ESF1: variants seen among roughly 807,000 people sequenced by gnomAD.
ESF1 encodes ESF1 homolog.
A neutral mutation model predicts 92.0 loss-of-function variants in ESF1; 58 were observed. The observed-to-expected ratio is 0.63, with a 90% CI of 0.51 to 0.78. ESF1 has a LOEUF of 0.78. Among genes scored for constraint, ESF1 ranks in the 30% least tolerant of loss-of-function variants. ESF1 has a pLI of 0.00. For missense variants in ESF1, 922 were observed against 989.1 expected, an observed-to-expected ratio of 0.93 and a Z score of 0.91; for synonymous variants, 321 against 313.7, an observed-to-expected ratio of 1.02 and a Z score of -0.24.
intron 2 of ESF1, among the ~76,000 whole-genome samples, chr20:13,781,521 G>C (rs953436662): frequency 6.6e-6 from 1 of 152,098 alleles, no homozygotes; most frequent in Non-Finnish European, 1.5e-5. Context: ...TCCGCACAGG[G>C]GCATTTATAA....
Position 13,753,979 on chromosome 20 carries a change from T to A in ESF1, c.1828+5713A>T, listed in dbSNP as rs569792767. On this transcript the variant is annotated intron_variant, in intron 9 of 13. Transcript: ENST00000617257. ...TTCCCTTGGTGTGAAAGTGGCAACG[T>A]GCTTATAATGGAAGCATGTCTTAGT... 2.0e-5 allele frequency among the ~76,000 whole-genome samples: 3 copies of A among 152,344 alleles called. No individual in the cohort carries two copies. The South Asian group carries it at 6.2e-4, about 32-fold the overall frequency.
intron 1 of ESF1, among the ~76,000 whole-genome samples, chr20:13,784,287 C>CCA (rs1296643272): frequency 6.8e-6 from 1 of 146,076 alleles, no homozygotes; most frequent in Non-Finnish European, 1.5e-5. Context: ...TTAAGCAACC[C>CCA]CCCCCCAAAA....
chr20:13,760,685 C>T (rs1406838765), intron 8 of ESF1, among the ~76,000 whole-genome samples: 1 of 151,466 alleles, frequency 6.6e-6, no homozygotes, highest in Non-Finnish European at 1.5e-5. Flanking sequence ...CCCTGCCAGG[C>T]CAGCCGCCCC....
At chr20:13,773,076 A>G (rs1375467298) in intron 4 of ESF1, among the ~76,000 whole-genome samples, 1 of 152,356 alleles carries the variant, frequency 6.6e-6, no homozygotes, top group African/African-American at 2.4e-5. Flanking sequence ...TTTTAAAGAA[A>G]TAGAACAGAA....
rs576169988 is a variant in ESF1 at position 13,766,688 on chromosome 20, A to G, written c.1666+89T>C. 3.8e-6 allele frequency: 5 copies of G among 1,302,890 alleles called. 1 individual carries two copies. The South Asian group carries it at 6.7e-5, about 17-fold the overall frequency. The allele number at this position is 1,302,890 out of a possible 1,614,324, so 80.7% of individuals were successfully genotyped here. A position where few individuals can be genotyped will look rare whatever the true frequency, so the allele number is the denominator to read the frequency against. ...AGGTATATATAATACTGTGCATGTG[A>G]GCATATCTGCAGACAGAATTTGGCT... On this transcript the variant is annotated intron_variant, in intron 8 of 13. Transcript: ENST00000617257.
rs1251425788 is a variant in ESF1 at position 13,766,920 on chromosome 20, T to C, written c.1523A>G (p.Glu508Gly). The C allele has an allele frequency of 6.2e-7, 1 of 1,606,576 alleles. No homozygotes were observed. Among genetic ancestry groups the C allele is most frequent in the Non-Finnish European group, 8.5e-7 (1 of 1,177,338 alleles). ...TSAAMGTSTV[E>G]ITWDETDHER... ...ATGATCAGTCTCATCCCAAGTGATT[T>C]CCACCTTTCACCAACAAATAAGAAA... The change falls in exon 8 of 14, where the codon GAA (glutamate) becomes GGA (glycine). Residue 508 changes from glutamate (E) to glycine (G), a missense_variant. Coordinates refer to ENST00000617257, the MANE Select transcript of ESF1 (RefSeq NM_001276380.2).
At chr20:13,717,285 T>C in intron 13 of ESF1, 83 bp downstream of exon 13, 1 of 1,527,576 alleles carries the variant, frequency 6.5e-7, no homozygotes, top group South Asian at 1.2e-5. Context: ...AGGGTAACTT[T>C]GACTATGCTC....
chr20:13,747,714 G>GTGT (rs73619824), intron 9 of ESF1, among the ~76,000 whole-genome samples: 2 of 152,368 alleles, frequency 1.3e-5, no homozygotes, highest in South Asian at 4.1e-4. Context: ...TGAGAAATGT[G>GTGT]TAGGCATTTT....
At chr20:13,773,143 T>C (rs1979767706) in intron 4 of ESF1, among the ~76,000 whole-genome samples, 1 of 152,204 alleles carries the variant, frequency 6.6e-6, no homozygotes, top group Admixed American at 6.5e-5. Context: ...AAGAATTCAC[T>C]CTCACCAGGT....
chr20:13,766,720 G>A, intron 8 of ESF1, 57 bp downstream of exon 8: 2 of 1,576,496 alleles, frequency 1.3e-6, no homozygotes, highest in South Asian at 2.3e-5. Flanking sequence ...GGCTTTCCCT[G>A]TAAAGCTACT....
Position 13,759,854 on chromosome 20 carries a change from C to A in ESF1, c.1667-1G>T. 1.9e-6 allele frequency: 3 copies of A among 1,581,436 alleles called. No homozygotes were observed. Among genetic ancestry groups the A allele is most frequent in the Admixed American group, 3.8e-5 (2 of 52,446 alleles). On this transcript the variant is annotated splice_acceptor_variant, in intron 8 of 13. Transcript: ENST00000617257. LOFTEE classifies it high-confidence loss of function. ...TCTTCTACATTGACTCCATCATCACCTAATGAAAAAAAAATTCACTTAATA... is the reference window on the plus strand; with the variant it reads ...TCTTCTACATTGACTCCATCATCACATAATGAAAAAAAAATTCACTTAATA...
Position 13,717,404 on chromosome 20 carries a change from G to T in ESF1, c.2226C>A (p.Leu742=), listed in dbSNP as rs751151233. Residue 742 remains leucine, a synonymous_variant, in exon 13 of 14, where the codon CTC becomes CTA. Transcript: ENST00000617257. ...CCTCTATTAATTCCTTCTTTTTCAT[G>T]AGCTGCTTTTTCTTCTTTTTGCTCA... ...QNLSKKKKKQ[L]MKKKELIEDD... 1.9e-5 allele frequency: 30 copies of T among 1,613,900 alleles called. No individual in the cohort carries two copies. The South Asian group carries it at 2.0e-4, about 11-fold the overall frequency.
At chr20:13,748,507 CATAT>C (rs1194442538) in intron 9 of ESF1, among the ~76,000 whole-genome samples, 28 of 131,520 alleles carry the variant, frequency 2.1e-4, no homozygotes, top group Non-Finnish European at 2.5e-4. Flanking sequence ...CATATATACA[CATAT>C]ATATACACAT....
chr20:13,766,987 A>C, intron 7 of ESF1, 63 bp from the exon 8 acceptor site: 1 of 1,515,174 alleles, frequency 6.6e-7, no homozygotes, highest in Non-Finnish European at 9.0e-7. Flanking sequence ...AAACTTGTTA[A>C]AGAATATATA....
intron 10 of ESF1, among the ~76,000 whole-genome samples, chr20:13,731,603 GAGTT>G (rs1310853838): frequency 6.6e-6 from 1 of 151,754 alleles, no homozygotes; most frequent in Non-Finnish European, 1.5e-5. Context: ...GGGAAGAAGA[GAGTT>G]AGTTAGCACA....
intron 5 of ESF1, among the ~76,000 whole-genome samples, chr20:13,772,169 G>A (rs1258326938): frequency 6.6e-6 from 1 of 150,696 alleles, no homozygotes; most frequent in African/African-American, 2.4e-5. Context: ...ATAATTTGAA[G>A]GCAAACAGAG....
chr20:13,736,809 TACA>T (rs148348892), intron 9 of ESF1, among the ~76,000 whole-genome samples: 2,797 of 152,308 alleles, frequency 0.018, 89 homozygotes, highest in African/African-American at 0.062. Flanking sequence ...GTACTTTGTT[TACA>T]ACAATAAAGA....
intron 7 of ESF1, among the ~76,000 whole-genome samples, chr20:13,768,199 A>ATACAGC (rs1181779419): frequency 6.6e-6 from 1 of 152,238 alleles, no homozygotes; most frequent in Non-Finnish European, 1.5e-5. Context: ...CAGGTGGCAG[A>ATACAGC]TACAGCTACT....
At chr20:13,772,088 CATG>C (rs1313085567) in intron 5 of ESF1, among the ~76,000 whole-genome samples, 1 of 149,426 alleles carries the variant, frequency 6.7e-6, no homozygotes, top group Non-Finnish European at 1.5e-5. Flanking sequence ...TATATTGCAC[CATG>C]ATGATAAAAA....
Sources: gnomAD v4.1 joint callset for allele counts (sites outside exome capture counted in the v4.1 genomes callset) on GRCh38, gnomAD v4.1.1 for gene constraint, MANE v1.5 for transcripts, NCBI Gene and HGNC (gene_info 2026-07-23, HGNC 2026-07-21) for gene names.